HNRNPC: variants seen among roughly 807,000 people sequenced by gnomAD.
HNRNPC encodes heterogeneous nuclear ribonucleoproteins C1/C2.
Under a neutral mutation model 33.2 loss-of-function variants are expected in HNRNPC, and 3 were observed. That is an observed-to-expected ratio of 0.09 (90% CI 0.04 to 0.23). The LOEUF (loss-of-function observed/expected upper bound fraction) is 0.23, where lower values mean the gene tolerates loss of function less well. Among genes scored for constraint, HNRNPC ranks in the 10% least tolerant of loss-of-function variants. HNRNPC has a pLI of 1.00. For synonymous variants in HNRNPC, 121 were observed against 126.7 expected (o/e 0.96, Z 0.30); for missense variants, 143 against 366.7 (o/e 0.39, Z 4.98).
intron 3 of HNRNPC, 137 bp downstream of exon 3, chr14:21,233,816 T>C (rs1012711871): frequency 9.4e-7 from 1 of 1,067,540 alleles, no homozygotes; most frequent in Middle Eastern, 2.1e-4. Context: ...ATAAGCCTAA[T>C]GTATTTTTAT....
chr14:21,216,916 T>C (rs1892255742), intron 5 of HNRNPC, among the ~76,000 whole-genome samples: 1 of 152,220 alleles, frequency 6.6e-6, no homozygotes, highest in African/African-American at 2.4e-5. Flanking sequence ...ATAAATCCGT[T>C]AAACTAGCTA....
intron 2 of HNRNPC, among the ~76,000 whole-genome samples, chr14:21,239,267 C>G (rs1452274320): frequency 6.6e-6 from 1 of 151,736 alleles, no homozygotes; most frequent in East Asian, 1.9e-4. Flanking sequence ...ATCATGAGGT[C>G]AGAACGAGAC....
intron 3 of HNRNPC, among the ~76,000 whole-genome samples, chr14:21,233,598 G>A (rs2139653565): frequency 6.6e-6 from 1 of 152,256 alleles, no homozygotes; most frequent in East Asian, 1.9e-4. Flanking sequence ...CCCAACGGAT[G>A]GAGTGAAATC....
chr14:21,239,437 C>T (rs574501974), intron 2 of HNRNPC, among the ~76,000 whole-genome samples: 2 of 151,972 alleles, frequency 1.3e-5, no homozygotes, highest in African/African-American at 4.8e-5. Flanking sequence ...GGAGATAGCG[C>T]CACTGCACTC....
chr14:21,227,558 C>T (rs532573096), intron 5 of HNRNPC, among the ~76,000 whole-genome samples: 64 of 152,196 alleles, frequency 4.2e-4, no homozygotes, highest in South Asian at 1.2e-3. Flanking sequence ...ATGTCAAAAA[C>T]GGAATTACTT....
intron 2 of HNRNPC, among the ~76,000 whole-genome samples, chr14:21,257,270 G>T (rs1338406356): frequency 1.3e-5 from 2 of 152,078 alleles, no homozygotes; most frequent in Non-Finnish European, 2.9e-5. Context: ...GAATGAAATT[G>T]GACCCAGAGT....
In HNRNPC at chr14:21,209,242, G is replaced by C. The variant is rs1891395184; in HGVS notation, c.*1981C>G. 6.6e-6 allele frequency: 1 copy of C among 152,130 alleles called. No individual in the cohort carries two copies. Among genetic ancestry groups the C allele is most frequent in the African/African-American group, 2.4e-5 (1 of 41,446 alleles). 9.4% of individuals were successfully genotyped at this position (152,130 alleles called of 1,614,324 possible). Reference sequence around the variant, plus strand: ...ATAAATACTATGCCATTTTATGTAAGGGACTTGAACATCTGCAGATTGTGG... The same window carrying C: ...ATAAATACTATGCCATTTTATGTAACGGACTTGAACATCTGCAGATTGTGG... On this transcript the variant is annotated 3_prime_UTR_variant, in exon 9 of 9. Coordinates refer to ENST00000553300, the MANE Select transcript of HNRNPC (RefSeq NM_004500.4).
Position 21,209,937 on chromosome 14 carries a change from AAC to A in HNRNPC, c.*1284_*1285del, listed in dbSNP as rs1236822920. 6.6e-6 allele frequency: 1 copy of A among 152,212 alleles called. No homozygotes were observed. Among genetic ancestry groups the A allele is most frequent in the African/African-American group, 2.4e-5 (1 of 41,454 alleles). The allele number at this position is 152,212 out of a possible 1,614,324, so 9.4% of individuals were successfully genotyped here. On this transcript the variant is annotated 3_prime_UTR_variant, in exon 9 of 9. Coordinates refer to ENST00000553300, the MANE Select transcript of HNRNPC (RefSeq NM_004500.4). ...CACTGTAATTAATAAAGTTGAGGAA[AAC>A]ACAAAGATTAGCTAACAGGGGTAAA...
intron 5 of HNRNPC, among the ~76,000 whole-genome samples, chr14:21,217,544 T>C (rs974860489): frequency 2.0e-5 from 3 of 152,192 alleles, no homozygotes; most frequent in African/African-American, 7.2e-5. Context: ...TATTACCACA[T>C]TGTTGGGTTA....
chr14:21,231,842 T>C (rs1894153911), intron 3 of HNRNPC, among the ~76,000 whole-genome samples: 1 of 152,200 alleles, frequency 6.6e-6, no homozygotes. Context: ...CCAAGAATGG[T>C]TCAGCTCATT....
At chr14:21,233,508 A>C (rs1378757894) in intron 3 of HNRNPC, among the ~76,000 whole-genome samples, 4 of 152,222 alleles carry the variant, frequency 2.6e-5, no homozygotes, top group Non-Finnish European at 1.5e-5. Context: ...AATAAACCAA[A>C]TCATAGGTAG....
chr14:21,210,909 A>G lies in HNRNPC; in HGVS notation c.*314T>C, dbSNP rs1397092927. 2.8e-6 allele frequency: 1 copy of G among 361,924 alleles called. No homozygotes were observed. Among genetic ancestry groups the G allele is most frequent in the Non-Finnish European group, 5.1e-6 (1 of 196,700 alleles). 22.4% of individuals were successfully genotyped at this position (361,924 alleles called of 1,614,324 possible). A position where few individuals can be genotyped will look rare whatever the true frequency, so the allele number is the denominator to read the frequency against. On this transcript the variant is annotated 3_prime_UTR_variant, in exon 9 of 9. Coordinates refer to ENST00000553300, the MANE Select transcript of HNRNPC (RefSeq NM_004500.4). ...ATGAAAAGAACTGTACTCCCTGCAT[A>G]ACAAGAGATTATTTTGGAGACAGTT...
At chr14:21,244,876 G>A (rs111803786) in intron 2 of HNRNPC, among the ~76,000 whole-genome samples, 2 of 151,700 alleles carry the variant, frequency 1.3e-5, no homozygotes, top group Non-Finnish European at 2.9e-5. Context: ...ATCCCAACAC[G>A]GAGTTTGAGA....
intron 5 of HNRNPC, among the ~76,000 whole-genome samples, chr14:21,224,272 T>C (rs1013229992): frequency 1.3e-5 from 2 of 152,188 alleles, no homozygotes; most frequent in African/African-American, 2.4e-5. Flanking sequence ...TAACTATTAA[T>C]AGTTGAAGAA....
chr14:21,262,741 G>A (rs1878441647), intron 2 of HNRNPC: 2 of 152,166 alleles, frequency 1.3e-5, no homozygotes, highest in Admixed American at 1.3e-4. Flanking sequence ...AGCAGGATGG[G>A]ATTTCAAGGG....
At chr14:21,234,631 C>A in intron 2 of HNRNPC, 1 of 165,880 alleles carries the variant, frequency 6.0e-6, no homozygotes, top group Non-Finnish European at 1.3e-5. Context: ...GCTAACTATT[C>A]CCTGCCATCA....
intron 2 of HNRNPC, among the ~76,000 whole-genome samples, chr14:21,251,154 G>A (rs1489457144): frequency 1.3e-5 from 2 of 151,126 alleles, no homozygotes; most frequent in Non-Finnish European, 2.9e-5. Context: ...CTGGCTACTC[G>A]GGAGGCTAAG....
At chr14:21,244,300 G>A (rs1206955455) in intron 2 of HNRNPC, among the ~76,000 whole-genome samples, 1 of 152,132 alleles carries the variant, frequency 6.6e-6, no homozygotes, top group Non-Finnish European at 1.5e-5. Flanking sequence ...ACGCCTGCCC[G>A]CAAGTTCTCT....
At chr14:21,248,618 T>A (rs559125995) in intron 2 of HNRNPC, among the ~76,000 whole-genome samples, 2 of 152,292 alleles carry the variant, frequency 1.3e-5, no homozygotes, top group South Asian at 4.1e-4. Context: ...AACAGGTGAC[T>A]AACAATACTA....
Sources: allele counts gnomAD v4.1 joint callset (sites outside exome capture counted in the v4.1 genomes callset), GRCh38; gene constraint gnomAD v4.1.1; transcripts MANE v1.5; gene names NCBI Gene and HGNC (gene_info 2026-07-23, HGNC 2026-07-21).